Variants in PTPRD observed in about 807,000 individuals in gnomAD.
PTPRD encodes protein tyrosine phosphatase receptor type D, also known as receptor-type tyrosine-protein phosphatase delta.
PTPRD carries 34 observed loss-of-function variants against 214.5 expected under a neutral mutation model. That is an observed-to-expected ratio of 0.16 (90% CI 0.12 to 0.21). The LOEUF (loss-of-function observed/expected upper bound fraction) is 0.21, where lower values mean the gene tolerates loss of function less well. Ranked by LOEUF, PTPRD falls within the 10% of genes least tolerant of loss-of-function variation. PTPRD has a pLI of 1.00. For synonymous variants in PTPRD, 1,128 were observed against 845.7 expected, an observed-to-expected ratio of 1.33 and a Z score of -5.79; for missense variants, 2,545 against 2,398.7, an observed-to-expected ratio of 1.06 and a Z score of -1.27.
At chr9:10,228,144 A>T (rs1004662908) in intron 3 of PTPRD, among the ~76,000 whole-genome samples, 2 of 86,730 alleles carry the variant, frequency 2.3e-5, no homozygotes, top group Non-Finnish European at 6.6e-5. Flanking sequence ...AAAGTTCTAG[A>T]TACTTCATTT....
At chr9:9,209,969 G>C (rs561288938) in intron 9 of PTPRD, among the ~76,000 whole-genome samples, 2 of 152,158 alleles carry the variant, frequency 1.3e-5, no homozygotes, top group African/African-American at 2.4e-5. Context: ...GGGTGATGCA[G>C]AAGGGCCCAG....
In PTPRD at chr9:8,331,753, A is replaced by G. The variant is rs1271111956; in HGVS notation, c.5380-17T>C. The stretch of plus-strand genomic sequence containing the variant: ...CTGGCCGTCCTTTAGAAGGAAAGCC[A>G]CATACCCGGCCGCAAAGGAAGACGC... On this transcript the variant is annotated splice_polypyrimidine_tract_variant and intron_variant, in intron 43 of 45. Coordinates refer to ENST00000381196, the MANE Select transcript of PTPRD (RefSeq NM_002839.4). 4 of 1,560,338 alleles carry G rather than the reference A, an allele frequency of 2.6e-6. No homozygotes were observed. In the South Asian group the frequency reaches 3.6e-5, roughly 14 times the overall value.
intron 9 of PTPRD, among the ~76,000 whole-genome samples, chr9:9,192,768 A>T (rs535842351): frequency 5.8e-4 from 89 of 152,222 alleles, no homozygotes; most frequent in African/African-American, 2.1e-3. Flanking sequence ...AAACTAATTT[A>T]CACTGGAGGA....
At chr9:10,117,226 G>C (rs146394776) in intron 3 of PTPRD, among the ~76,000 whole-genome samples, 1 of 152,050 alleles carries the variant, frequency 6.6e-6, no homozygotes, top group Admixed American at 6.6e-5. Context: ...CAAGAAAACA[G>C]AGTAAATTGC....
At chr9:9,574,125 C>A (rs1320145513) in intron 8 of PTPRD, among the ~76,000 whole-genome samples, 1 of 151,810 alleles carries the variant, frequency 6.6e-6, no homozygotes, top group Admixed American at 6.6e-5. Context: ...CAAATAAACT[C>A]ATATTTATGT....
chr9:8,452,090 T>A (rs1564910483), intron 33 of PTPRD, among the ~76,000 whole-genome samples: 1 of 152,206 alleles, frequency 6.6e-6, no homozygotes, highest in Non-Finnish European at 1.5e-5. Context: ...AAAATTACAA[T>A]TCACAATTTG....
At chr9:8,945,074 A>G (rs1039157521) in intron 11 of PTPRD, among the ~76,000 whole-genome samples, 8 of 152,078 alleles carry the variant, frequency 5.3e-5, no homozygotes, top group African/African-American at 1.9e-4. Flanking sequence ...TAAAAAGAAA[A>G]TTACAAAAAG....
chr9:8,554,433 A>C (rs1443393495), intron 14 of PTPRD, among the ~76,000 whole-genome samples: 1 of 152,182 alleles, frequency 6.6e-6, no homozygotes, highest in East Asian at 1.9e-4. Flanking sequence ...TTTTCCTCTA[A>C]ATGAGCTATA....
rs7037869 is a variant in PTPRD at position 9,002,931 on chromosome 9, C to T, written c.-104+15766G>A. ...GTTGGACCAAGCTCTTACTGGCTTGCAATAGCCTGTTGTTAAATGTTCAAC... is the reference window on the plus strand; with the variant it reads ...GTTGGACCAAGCTCTTACTGGCTTGTAATAGCCTGTTGTTAAATGTTCAAC... On this transcript the variant is annotated intron_variant, in intron 11 of 45. Coordinates refer to ENST00000381196, the MANE Select transcript of PTPRD (RefSeq NM_002839.4). Among the ~76,000 whole-genome samples the T allele has an allele frequency of 4.6e-3, 702 of 152,110 alleles. 6 individuals are homozygous for T. Among genetic ancestry groups the T allele is most frequent in the African/African-American group, 0.016 (655 of 41,536 alleles).
At chr9:8,975,138 A>G (rs1161532822) in intron 11 of PTPRD, among the ~76,000 whole-genome samples, 2 of 151,830 alleles carry the variant, frequency 1.3e-5, no homozygotes, top group Non-Finnish European at 2.9e-5. Flanking sequence ...TGTTTATCAA[A>G]GTAGTTTGAT....
intron 39 of PTPRD, among the ~76,000 whole-genome samples, chr9:8,344,371 GGC>G (rs1855499486): frequency 6.6e-6 from 1 of 151,824 alleles, no homozygotes; most frequent in African/African-American, 2.4e-5. Context: ...TCTATATTCT[GGC>G]AGAAAGATAC....
At chr9:10,452,224 T>C (rs1432805488) in intron 2 of PTPRD, among the ~76,000 whole-genome samples, 3 of 151,938 alleles carry the variant, frequency 2.0e-5, no homozygotes, top group Admixed American at 6.6e-5. Flanking sequence ...CATTAATCCA[T>C]TGGTGGACAC....
intron 11 of PTPRD, among the ~76,000 whole-genome samples, chr9:9,013,325 G>C (rs867891601): frequency 6.6e-6 from 1 of 152,042 alleles, no homozygotes; most frequent in African/African-American, 2.4e-5. Context: ...CGCCATGGGA[G>C]TGCCCCCAGA....
chr9:8,551,341 T>A (rs911921032), intron 14 of PTPRD, among the ~76,000 whole-genome samples: 4 of 152,240 alleles, frequency 2.6e-5, no homozygotes, highest in Non-Finnish European at 5.9e-5. Flanking sequence ...AAAGTTTTCA[T>A]AATTTAAACC....
In PTPRD at chr9:9,058,442, G is replaced by GTTTTTTTTTTTTTTTTTTT. The variant is rs777910266; in HGVS notation, c.-142-39726_-142-39708dup. 1.3e-3 allele frequency among the ~76,000 whole-genome samples: 88 copies of GTTTTTTTTTTTTTTTTTTT among 69,916 alleles called. 30 individuals carry two copies. Among genetic ancestry groups the GTTTTTTTTTTTTTTTTTTT allele is most frequent in the Non-Finnish European group, 1.6e-3 (61 of 38,076 alleles). 45.9% of individuals were successfully genotyped at this position (69,916 alleles called of 152,430 possible). A position where few individuals can be genotyped will look rare whatever the true frequency, so the allele number is the denominator to read the frequency against. On this transcript the variant is annotated intron_variant, in intron 10 of 45. Transcript: ENST00000381196. ...TATTGGTGAGAGAAATATTATGAGG[G>GTTTTTTTTTTTTTTTTTTT]TTTTTTTTTTTTTTTTTTTTTTTTT...
intron 14 of PTPRD, among the ~76,000 whole-genome samples, chr9:8,578,633 G>A (rs908132884): frequency 3.3e-5 from 5 of 152,106 alleles, no homozygotes; most frequent in South Asian, 2.1e-4. Flanking sequence ...AACAGGATCC[G>A]CCCACACTAG....
intron 14 of PTPRD, among the ~76,000 whole-genome samples, chr9:8,543,249 T>C (rs1018424354): frequency 6.6e-6 from 1 of 152,212 alleles, no homozygotes; most frequent in Non-Finnish European, 1.5e-5. Context: ...CACATTGTTA[T>C]AAATTTGGGA....
chr9:10,563,584 A>G (rs2064660130), intron 2 of PTPRD, among the ~76,000 whole-genome samples: 1 of 152,148 alleles, frequency 6.6e-6, no homozygotes, highest in African/African-American at 2.4e-5. Flanking sequence ...TATTTATTTC[A>G]ATGTAGAAAT....
chr9:10,045,178 T>G (rs2097366207), intron 3 of PTPRD, among the ~76,000 whole-genome samples: 2 of 151,864 alleles, frequency 1.3e-5, no homozygotes, highest in Non-Finnish European at 3.0e-5. Context: ...AAATATCTAT[T>G]TTAACTTTTC....
Sources: gnomAD v4.1 joint callset for allele counts (sites outside exome capture counted in the v4.1 genomes callset) on GRCh38, gnomAD v4.1.1 for gene constraint, MANE v1.5 for transcripts, NCBI Gene and HGNC (gene_info 2026-07-23, HGNC 2026-07-21) for gene names.